GABRA2: variants seen among roughly 807,000 people sequenced by gnomAD.
The protein encoded by GABRA2 is gamma-aminobutyric acid type A receptor subunit alpha2, also known as gamma-aminobutyric acid receptor subunit alpha-2.
Under a neutral mutation model 48.7 loss-of-function variants are expected in GABRA2, and 16 were observed. The observed-to-expected ratio is 0.33, with a 90% CI of 0.22 to 0.50. The LOEUF is 0.50. Ranked by LOEUF, GABRA2 falls within the 20% of genes least tolerant of loss-of-function variation. The probability of loss-of-function intolerance (pLI) is 0.98; values close to 1 mark genes in which losing one functional copy is unlikely to be tolerated. For synonymous variants in GABRA2, 185 were observed against 184.5 expected (o/e 1.00, Z -0.02); for missense variants, 275 against 535.6 (o/e 0.51, Z 4.80).
intron 9 of GABRA2, among the ~76,000 whole-genome samples, chr4:46,255,297 G>A (rs923626318): frequency 6.6e-6 from 1 of 151,242 alleles, no homozygotes; most frequent in African/African-American, 2.4e-5. Flanking sequence ...AAGATAATAT[G>A]TCATATAGAC....
At chr4:46,269,533 A>G (rs2109392920) in intron 8 of GABRA2, among the ~76,000 whole-genome samples, 1 of 152,020 alleles carries the variant, frequency 6.6e-6, no homozygotes, top group African/African-American at 2.4e-5. Context: ...TCTGCATTAA[A>G]AGTTTCATAA....
Position 46,246,598 on chromosome 4 carries a change from A to ACT in GABRA2, c.*3709_*3710insAG, listed in dbSNP as rs1713755218. 7.3e-5 allele frequency among the ~76,000 whole-genome samples: 11 copies of ACT among 151,348 alleles called. No homozygotes were observed. Among genetic ancestry groups the ACT allele is most frequent in the African/African-American group, 2.7e-4 (11 of 41,484 alleles). On this transcript the variant is annotated 3_prime_UTR_variant, in exon 10 of 10. Coordinates refer to ENST00000381620, the MANE Select transcript of GABRA2 (RefSeq NM_000807.4). ...ATAGGGTAGCAATGAGTCAGGTAGT[A>ACT]ATCCCCTTAAAATTCTGAATGTTTT... is the stretch of plus-strand genomic sequence containing the variant.
chr4:46,263,930 C>G (rs1717568048), intron 8 of GABRA2, among the ~76,000 whole-genome samples: 1 of 151,826 alleles, frequency 6.6e-6, no homozygotes, highest in African/African-American at 2.4e-5. Context: ...CTCTCTCTCT[C>G]TCTCTCTCTC....
Position 46,290,354 on chromosome 4 carries a change from T to C in GABRA2, c.856+13106A>G, listed in dbSNP as rs539370721. The stretch of plus-strand genomic sequence containing the variant: ...ACGTATTAAACTGAATCTGTAGATC[T>C]CTTTTGAGATTATTGCTGTTTTAAC... On this transcript the variant is annotated intron_variant, in intron 8 of 9. Transcript: ENST00000381620. Among the ~76,000 whole-genome samples, 5 of 152,244 alleles carry C rather than the reference T, an allele frequency of 3.3e-5. No individual in the cohort carries two copies. In the South Asian group the frequency reaches 1.0e-3, roughly 32 times the overall value.
intron 3 of GABRA2, chr4:46,367,786 T>C (rs1000418188): frequency 3.3e-5 from 5 of 152,188 alleles, no homozygotes; most frequent in Non-Finnish European, 7.4e-5. Context: ...TCAGTCACTA[T>C]GGAAGATGAC....
At chr4:46,269,502 C>T (rs1718876889) in intron 8 of GABRA2, among the ~76,000 whole-genome samples, 1 of 151,710 alleles carries the variant, frequency 6.6e-6, no homozygotes, top group Admixed American at 6.6e-5. Flanking sequence ...TAAAGTAGTG[C>T]TATATATTCA....
At chr4:46,263,971 C>G (rs1459402015) in intron 8 of GABRA2, among the ~76,000 whole-genome samples, 1 of 149,934 alleles carries the variant, frequency 6.7e-6, no homozygotes, top group Non-Finnish European at 1.5e-5. Context: ...ATAAACATTT[C>G]CATTTATTTA....
At chr4:46,288,094 A>G (rs749492177) in intron 8 of GABRA2, among the ~76,000 whole-genome samples, 7 of 152,144 alleles carry the variant, frequency 4.6e-5, no homozygotes, top group African/African-American at 7.2e-5. Flanking sequence ...CCATAATTCA[A>G]TCACCTCACA....
chr4:46,368,223 T>C (rs1437510387), intron 3 of GABRA2: 4 of 152,112 alleles, frequency 2.6e-5, no homozygotes, highest in Non-Finnish European at 5.9e-5. Context: ...CAGTTAATTC[T>C]GACTAATCCA....
chr4:46,280,340 C>A (rs1721290733), intron 8 of GABRA2, among the ~76,000 whole-genome samples: 1 of 151,878 alleles, frequency 6.6e-6, no homozygotes, highest in African/African-American at 2.4e-5. Context: ...GAGGTCCAGG[C>A]ACAAGGAAAC....
intron 8 of GABRA2, among the ~76,000 whole-genome samples, chr4:46,265,489 TA>T (rs1377053970): frequency 5.9e-4 from 13 of 22,072 alleles, no homozygotes; most frequent in African/African-American, 2.2e-3. Flanking sequence ...GTATATATTA[TA>T]TATATATATA....
rs543351 is a variant in GABRA2 at position 46,244,408 on chromosome 4, C to T, written c.*5900G>A. ...AATACAGTTTATATAGCCAATGCAA[C>T]ATAGTTTGCCTTTTGGCATCATGTT... On this transcript the variant is annotated 3_prime_UTR_variant, in exon 10 of 10. Transcript: ENST00000381620. Among the ~76,000 whole-genome samples the T allele has an allele frequency of 0.63, 94,856 of 151,326 alleles. 30,355 individuals carry two copies. The highest frequency in any genetic ancestry group is 0.78 in the South Asian group (3,756 of 4,824).
chr4:46,368,620 T>G (rs1293994400), intron 3 of GABRA2: 1 of 216,028 alleles, frequency 4.6e-6, no homozygotes. Context: ...ATACCCTTTA[T>G]GAGAAGTCTT....
At chr4:46,262,445 AC>A (rs1376691633) in intron 8 of GABRA2, among the ~76,000 whole-genome samples, 1 of 152,126 alleles carries the variant, frequency 6.6e-6, no homozygotes, top group Non-Finnish European at 1.5e-5. Context: ...AGAATTACCT[AC>A]AAGGAAAAGC....
intron 6 of GABRA2, 32 bp downstream of exon 6, chr4:46,310,141 C>T: frequency 6.5e-7 from 1 of 1,548,432 alleles, no homozygotes; most frequent in South Asian, 1.1e-5. Context: ...ATATTATTGA[C>T]CCAAAACATG....
chr4:46,295,836 T>A (rs1724531747), intron 8 of GABRA2, among the ~76,000 whole-genome samples: 1 of 152,204 alleles, frequency 6.6e-6, no homozygotes, highest in Non-Finnish European at 1.5e-5. Context: ...GGATATGGGT[T>A]TGCCTATCCT....
At chr4:46,374,837 A>C (rs559441827) in intron 3 of GABRA2, among the ~76,000 whole-genome samples, 184 of 84,370 alleles carry the variant, frequency 2.2e-3, no homozygotes, top group African/African-American at 9.3e-3. Context: ...GCTTCTATAC[A>C]AAAAAAAATG....
intron 8 of GABRA2, among the ~76,000 whole-genome samples, chr4:46,293,404 C>T (rs1376764540): frequency 6.6e-6 from 1 of 152,112 alleles, no homozygotes; most frequent in Non-Finnish European, 1.5e-5. Flanking sequence ...TGGAGAAAGG[C>T]AAATAATCAG....
chr4:46,382,451 T>C (rs1240461285), intron 3 of GABRA2, among the ~76,000 whole-genome samples: 2 of 150,744 alleles, frequency 1.3e-5, no homozygotes, highest in Non-Finnish European at 3.0e-5. Context: ...AGAAGGAGAG[T>C]TGTGTGAGGT....
Sources: allele counts gnomAD v4.1 joint callset (sites outside exome capture counted in the v4.1 genomes callset), GRCh38; gene constraint gnomAD v4.1.1; transcripts MANE v1.5; gene names NCBI Gene and HGNC (gene_info 2026-07-23, HGNC 2026-07-21).